Variants in INPP5B observed in about 807,000 individuals in gnomAD.
The protein encoded by INPP5B is inositol polyphosphate-5-phosphatase B.
Under a neutral mutation model 118.5 loss-of-function variants are expected in INPP5B, and 90 were observed. That is an observed-to-expected ratio of 0.76 (90% CI 0.64 to 0.90). INPP5B has a LOEUF of 0.90. Among genes scored for constraint, INPP5B ranks in the 40% least tolerant of loss-of-function variants. The pLI, the probability that INPP5B is intolerant of heterozygous loss-of-function variation, is 0.00. For missense variants in INPP5B, 984 were observed against 1,125.6 expected, an observed-to-expected ratio of 0.87 and a Z score of 1.80; for synonymous variants, 385 against 418.9, an observed-to-expected ratio of 0.92 and a Z score of 0.99.
chr1:37,920,873 G>A (rs1645029945), intron 7 of INPP5B, among the ~76,000 whole-genome samples: 3 of 151,970 alleles, frequency 2.0e-5, no homozygotes, highest in South Asian at 2.1e-4. Flanking sequence ...TTGGGAGGCC[G>A]AGGCAGGCAT....
chr1:37,866,072 C>T, intron 21 of INPP5B, 184 bp from the exon 22 acceptor site: 1 of 558,530 alleles, frequency 1.8e-6, no homozygotes. Context: ...TCCTGAGTTC[C>T]TGCTCTATTG....
chr1:37,939,051 G>A (rs1645808784), intron 6 of INPP5B, among the ~76,000 whole-genome samples: 1 of 152,032 alleles, frequency 6.6e-6, no homozygotes, highest in East Asian at 1.9e-4. Flanking sequence ...AAAATCAGCT[G>A]GGCGTGGTGG....
intron 17 of INPP5B, among the ~76,000 whole-genome samples, chr1:37,874,590 G>A (rs908173829): frequency 1.8e-4 from 27 of 152,246 alleles, no homozygotes; most frequent in African/African-American, 6.5e-4. Flanking sequence ...TTGAGCTCAG[G>A]AGTTCAAGAC....
At chr1:37,942,581 A>G (rs1381214591) in intron 5 of INPP5B, among the ~76,000 whole-genome samples, 3 of 152,014 alleles carry the variant, frequency 2.0e-5, no homozygotes, top group African/African-American at 7.2e-5. Context: ...AATATAAAGA[A>G]TTACATCACT....
intron 7 of INPP5B, among the ~76,000 whole-genome samples, chr1:37,914,994 G>A (rs1485506187): frequency 6.6e-6 from 1 of 152,116 alleles, no homozygotes; most frequent in Non-Finnish European, 1.5e-5. Flanking sequence ...CATTTCCCTA[G>A]GAGCAGCCTA....
chr1:37,885,931 G>A, intron 12 of INPP5B, 106 bp from the exon 13 acceptor site: 7 of 994,918 alleles, frequency 7.0e-6, no homozygotes, highest in Non-Finnish European at 9.2e-6. Context: ...TGTAATCCCA[G>A]CACTTTGGGA....
At chr1:37,879,221 G>A (rs28591211) in intron 15 of INPP5B, among the ~76,000 whole-genome samples, 42,239 of 150,210 alleles carry the variant, frequency 0.28, 5,919 homozygotes, top group Middle Eastern at 0.38. Flanking sequence ...GCAGTGAGCC[G>A]AGATTGTGCC....
intron 14 of INPP5B, among the ~76,000 whole-genome samples, chr1:37,880,639 T>C (rs948634207): frequency 2.6e-5 from 4 of 152,130 alleles, no homozygotes; most frequent in African/African-American, 9.7e-5. Flanking sequence ...AGTTTCACCA[T>C]GTTGGCAAGG....
chr1:37,889,593 T>C lies in INPP5B; in HGVS notation c.761A>G (p.Gln254Arg). The change falls in exon 9 of 24, where the codon CAG becomes CGG. Residue 254 changes from glutamine to arginine, a missense_variant. Gln to Arg is a conservative substitution (Grantham distance 43, BLOSUM62 1). Around this residue, in one of 2 missense-constraint regions of INPP5B, gnomAD observed 350 missense variants for 334.6 expected, o/e 1.05. Transcript: ENST00000373024. ...GATATAGGTGTAATCCTCTTCTTTC[T>C]GTAGTAGATGTGATTTCACAATTGT... is the stretch of plus-strand genomic sequence containing the variant. ...RDTIVKSHLLQKEEDYTYIQN... is the reference protein window; with the variant it reads ...RDTIVKSHLLRKEEDYTYIQN... The C allele has an allele frequency of 2.5e-6, 4 of 1,613,946 alleles. No individual in the cohort carries two copies. The highest frequency in any genetic ancestry group is 3.4e-6 in the Non-Finnish European group (4 of 1,179,886).
In INPP5B at chr1:37,902,651, G is replaced by A. The variant is rs956673267; in HGVS notation, c.533-11197C>T. Reference sequence around the variant, plus strand: ...CGGCTCACTGCAACCTCCACCTCCCGGGTTCAAACTATTCTCCTGCCTCAG... The same window carrying A: ...CGGCTCACTGCAACCTCCACCTCCCAGGTTCAAACTATTCTCCTGCCTCAG... On this transcript the variant is annotated intron_variant, in intron 7 of 23. Transcript: ENST00000373024. Among the ~76,000 whole-genome samples, 6 of 152,128 alleles carry A rather than the reference G, an allele frequency of 3.9e-5. 1 individual carries two copies. The highest frequency in any genetic ancestry group is 3.3e-4 in the Admixed American group (5 of 15,278).
intron 5 of INPP5B, among the ~76,000 whole-genome samples, chr1:37,941,226 GT>G (rs777432273): frequency 6.6e-4 from 101 of 152,254 alleles, no homozygotes; most frequent in Middle Eastern, 6.8e-3. Context: ...ACGTGGGCCC[GT>G]CTCAGGGAGC....
At chr1:37,918,173 G>A (rs985397720) in intron 7 of INPP5B, among the ~76,000 whole-genome samples, 3 of 151,998 alleles carry the variant, frequency 2.0e-5, no homozygotes, top group Admixed American at 2.0e-4. Context: ...CTCCTCACTT[G>A]CTACCTCAGG....
intron 7 of INPP5B, among the ~76,000 whole-genome samples, chr1:37,917,956 C>T (rs949107685): frequency 6.6e-5 from 10 of 152,120 alleles, no homozygotes; most frequent in Non-Finnish European, 1.2e-4. Flanking sequence ...TTCTACAAGA[C>T]GTTCTGTATG....
intron 6 of INPP5B, among the ~76,000 whole-genome samples, chr1:37,933,317 G>A (rs1197884313): frequency 6.6e-6 from 1 of 152,232 alleles, no homozygotes; most frequent in East Asian, 1.9e-4. Context: ...GGGAGGCTGA[G>A]GCGGGCAGAT....
chr1:37,889,660 T>C lies in INPP5B; in HGVS notation c.694A>G (p.Lys232Glu), dbSNP rs1643728713. The C allele has an allele frequency of 2.5e-6, 4 of 1,613,956 alleles. No individual in the cohort carries two copies. Among genetic ancestry groups the C allele is most frequent in the Non-Finnish European group, 3.4e-6 (4 of 1,179,836 alleles). ...VRSSTITVSDKAHILSMQKFG... is the reference protein window; with the variant it reads ...VRSSTITVSDEAHILSMQKFG... ...TTCTGCATGGATAAAATATGAGCCT[T>C]GTCCGACACTGTGATAGTGGAGGAG... Residue 232 changes from lysine to glutamate, a missense_variant, in exon 9 of 24, where the codon AAG becomes GAG. By Grantham distance (56) the Lys-to-Glu change is moderately conservative. Around this residue, in one of 2 missense-constraint regions of INPP5B, gnomAD observed 350 missense variants for 334.6 expected, o/e 1.05. Coordinates refer to ENST00000373024, the MANE Select transcript of INPP5B (RefSeq NM_005540.3).
rs1644535754 is a variant in INPP5B, at chr1:37,907,364, CAT to C, written c.533-15912_533-15911del. 6.6e-6 allele frequency among the ~76,000 whole-genome samples: 1 copy of C among 152,194 alleles called. No homozygotes were observed. The highest frequency in any genetic ancestry group is 1.5e-5 in the Non-Finnish European group (1 of 68,050). Reference sequence around the variant, plus strand: ...CTCTACCCTGAATACAAGAGACCCTCATAGTTAGGCAGGAATATAATCGACCT... The same window carrying C: ...CTCTACCCTGAATACAAGAGACCCTCAGTTAGGCAGGAATATAATCGACCT... On this transcript the variant is annotated intron_variant, in intron 7 of 23. Transcript: ENST00000373024. This position sits in a 1 kb window ranked among gnomAD's most constrained non-coding sequence, Gnocchi z 4.3.
chr1:37,862,358 T>A lies in INPP5B; in HGVS notation c.2699A>T (p.Lys900Met), dbSNP rs561088456. The A allele has an allele frequency of 6.2e-7, 1 of 1,613,968 alleles. No homozygotes were observed. The highest frequency in any genetic ancestry group is 8.5e-7 in the Non-Finnish European group (1 of 1,179,860). The change falls in exon 24 of 24, where the codon AAG becomes ATG. Residue 900 changes from lysine to methionine, a missense_variant. Around this residue, in one of 2 missense-constraint regions of INPP5B, gnomAD observed 634 missense variants for 791.0 expected, o/e 0.80. Coordinates refer to ENST00000373024, the MANE Select transcript of INPP5B (RefSeq NM_005540.3). ...HQKLDMTEKK[K>M]AQEFIHQFLC... ...GAACTGGTGAATAAATTCTTGAGCC[T>A]TCTTCTTCTCTGTCATATCAAGCTT...
At chr1:37,896,411 G>A (rs1181194969) in intron 7 of INPP5B, among the ~76,000 whole-genome samples, 7 of 151,290 alleles carry the variant, frequency 4.6e-5, no homozygotes, top group East Asian at 4.0e-4. Context: ...CACCTCGTCC[G>A]GGAGGGAGGT....
intron 13 of INPP5B, among the ~76,000 whole-genome samples, chr1:37,884,846 G>A (rs1281805684): frequency 6.6e-6 from 1 of 152,074 alleles, no homozygotes; most frequent in African/African-American, 2.4e-5. Context: ...AGCTACTCGG[G>A]AGGCTGAGGC....
Sources: allele counts gnomAD v4.1 joint callset (sites outside exome capture counted in the v4.1 genomes callset), GRCh38; gene constraint gnomAD v4.1.1; regional missense constraint gnomAD v4.1.1; non-coding constraint Gnocchi (gnomAD v3.1); transcripts MANE v1.5; gene names NCBI Gene and HGNC (gene_info 2026-07-23, HGNC 2026-07-21).